Variants in SEMA5B observed in about 807,000 individuals in gnomAD.
SEMA5B encodes semaphorin-5B.
In SEMA5B, 66 loss-of-function variants were observed where a neutral mutation model predicts 135.0. The observed-to-expected ratio is 0.49, with a 90% CI of 0.40 to 0.60. The LOEUF is 0.60. SEMA5B is among the 20% of genes least tolerant of loss of function. The pLI is 0.00. For synonymous variants in SEMA5B, 690 were observed against 639.5 expected, an observed-to-expected ratio of 1.08 and a Z score of -1.19; for missense variants, 1,501 against 1,566.3, an observed-to-expected ratio of 0.96 and a Z score of 0.70.
At chr3:122,946,482 G>T (rs1274809081) in intron 3 of SEMA5B, among the ~76,000 whole-genome samples, 1 of 152,124 alleles carries the variant, frequency 6.6e-6, no homozygotes, top group Non-Finnish European at 1.5e-5. Context: ...GGAGGCTGGG[G>T]TTGGTGCTGT....
chr3:122,961,221 C>T lies in SEMA5B; in HGVS notation c.43G>A (p.Val15Ile), dbSNP rs555943228. The T allele has an allele frequency of 2.2e-5, 35 of 1,613,974 alleles. No individual in the cohort carries two copies. The highest frequency in any genetic ancestry group is 3.3e-4 in the Middle Eastern group (2 of 6,062). ...FSPSPVAHHL[V>I]PGPPDTPAQQ... ...GCTGGGGTATCAGGCGGCCCAGGGACGAGGTGGTGGGCAACAGGAGACGGA... is the reference window on the plus strand; with the variant it reads ...GCTGGGGTATCAGGCGGCCCAGGGATGAGGTGGTGGGCAACAGGAGACGGA... Residue 15 changes from valine (V) to isoleucine (I), a missense_variant, in exon 2 of 23, where the codon GTC (valine) becomes ATC (isoleucine). Val to Ile is a conservative substitution (Grantham distance 29). Transcript: ENST00000357599.
chr3:122,909,204 A>G lies in SEMA5B; in HGVS notation c.*939T>C, dbSNP rs187842485. On this transcript the variant is annotated 3_prime_UTR_variant, in exon 23 of 23. Transcript: ENST00000357599. ...GCACAGAGACATTTGGAGACTGGAT[A>G]TCATCTTTAATTAATAATGCCACAG... is the stretch of plus-strand genomic sequence containing the variant. The G allele has an allele frequency of 1.3e-5, 2 of 152,770 alleles. No individual in the cohort carries two copies. The highest frequency in any genetic ancestry group is 3.9e-4 in the East Asian group (2 of 5,180). The allele number at this position is 152,770 out of a possible 1,614,324, so 9.5% of individuals were successfully genotyped here.
chr3:122,937,627 C>T (rs750464016), intron 5 of SEMA5B, among the ~76,000 whole-genome samples: 28 of 152,074 alleles, frequency 1.8e-4, no homozygotes, highest in Non-Finnish European at 3.7e-4. Context: ...CAGGGAATGC[C>T]GTTGGAGCTG....
rs1375189417 is a variant in SEMA5B at position 122,913,372 on chromosome 3, G to C, written c.2333C>G (p.Pro778Arg). ...EGCPEVRRNTPWTPWLPVNVT... is the reference protein window; with the variant it reads ...EGCPEVRRNTRWTPWLPVNVT... ...GTTCACGGGCAGCCACGGCGTCCAG[G>C]GGGTGTTGCGCCGCACTTCGGGGCA... Residue 778 changes from proline to arginine, a missense_variant, in exon 17 of 23, where the codon CCC becomes CGC. Around this residue, in one of 2 missense-constraint regions of SEMA5B, gnomAD observed 927 missense variants for 881.6 expected, o/e 1.05. Transcript: ENST00000357599. 21 of 1,582,824 alleles carry C rather than the reference G, an allele frequency of 1.3e-5. No individual in the cohort carries two copies. Among genetic ancestry groups the C allele is most frequent in the Non-Finnish European group, 1.8e-5 (21 of 1,170,602 alleles).
In SEMA5B at chr3:122,951,037, G is replaced by A. The variant is rs146142311; in HGVS notation, c.125-2328C>T. Among the ~76,000 whole-genome samples, 572 of 152,248 alleles carry A rather than the reference G, an allele frequency of 3.8e-3. 4 individuals are homozygous for A. The highest frequency in any genetic ancestry group is 0.013 in the African/African-American group (523 of 41,532). On this transcript the variant is annotated intron_variant, in intron 2 of 22. Coordinates refer to ENST00000357599, the MANE Select transcript of SEMA5B (RefSeq NM_001031702.4). ...CAGTCTTGACCTCCTGGACTCAAGC[G>A]ATCCTTCCAGCTCAGCCTCTCTAGT...
At chr3:122,922,592 C>A (rs146896086) in intron 10 of SEMA5B, 145 bp from the exon 11 acceptor site, 46 of 711,614 alleles carry the variant, frequency 6.5e-5, no homozygotes, top group Non-Finnish European at 9.8e-5. Flanking sequence ...CCCTGCTGGG[C>A]GTCCTGCACC....
chr3:122,913,866 C>G lies in SEMA5B; in HGVS notation c.2124G>C (p.Arg708=). The change falls in exon 15 of 23, where the codon CGG becomes CGC. Residue 708 remains arginine, a synonymous_variant. Coordinates refer to ENST00000357599, the MANE Select transcript of SEMA5B (RefSeq NM_001031702.4). ...AGCCTGTTCTCCCTCACCGTTCCTC[C>G]CGGCTCTTGCCCACGCAGATGCGGC... ...HGGRICVGKS[R]EERFCNENTP... The G allele has an allele frequency of 6.2e-7, 1 of 1,606,252 alleles. No homozygotes were observed. The highest frequency in any genetic ancestry group is 8.5e-7 in the Non-Finnish European group (1 of 1,176,056).
intron 4 of SEMA5B, among the ~76,000 whole-genome samples, chr3:122,940,731 T>C (rs746515024): frequency 3.3e-5 from 5 of 152,184 alleles, no homozygotes; most frequent in Non-Finnish European, 4.4e-5. Context: ...CCCACTCATC[T>C]TCTTTGCTGT....
intron 4 of SEMA5B, 90 bp from the exon 5 acceptor site, chr3:122,939,560 C>T (rs1430458083): frequency 3.1e-6 from 3 of 978,606 alleles, no homozygotes; most frequent in Non-Finnish European, 5.0e-6. Flanking sequence ...TCCTGGGACG[C>T]CAGGACTGGG....
chr3:123,007,431 C>T (rs569775992), intron 1 of SEMA5B, among the ~76,000 whole-genome samples: 6 of 152,166 alleles, frequency 3.9e-5, no homozygotes, highest in Non-Finnish European at 7.3e-5. Context: ...TTGATTCTTC[C>T]CCTTATCCAT....
intron 17 of SEMA5B, 31 bp downstream of exon 17, chr3:122,913,168 G>C: frequency 6.6e-7 from 1 of 1,518,924 alleles, no homozygotes. Context: ...GGCTGGGAGA[G>C]AGGAAGGAGG....
In SEMA5B at chr3:122,929,015, T is replaced by G; in HGVS notation, c.518A>C (p.Gln173Pro). The G allele has an allele frequency of 6.2e-7, 1 of 1,612,460 alleles. No individual in the cohort carries two copies. The highest frequency in any genetic ancestry group is 8.5e-7 in the Non-Finnish European group (1 of 1,179,996). ...ASSEDTRRSC[Q>P]SKGKTEEECQ... ...ACGTACCTCAGTCTTCCCTTTGCTT[T>G]GGCAGGAGCGGCGCGTGTCCTCACT... The change falls in exon 6 of 23, where the codon CAA (glutamine) becomes CCA (proline). Residue 173 changes from glutamine to proline, a missense_variant. This residue lies in a region of SEMA5B where 574 missense variants were observed against 684.7 expected (regional missense o/e 0.84). Transcript: ENST00000357599.
Position 122,923,602 on chromosome 3 carries a change from G to T in SEMA5B, c.1272+15C>A. ...GCAGTGTGTGAAGACAGGGAAAGAG[G>T]AGGAGATTCTGTACCTGGAAATTGG... On this transcript the variant is annotated intron_variant, in intron 10 of 22. Transcript: ENST00000357599. 1 of 1,613,894 alleles carries T rather than the reference G, an allele frequency of 6.2e-7. No individual in the cohort carries two copies. Among genetic ancestry groups the T allele is most frequent in the Non-Finnish European group, 8.5e-7 (1 of 1,179,900 alleles).
chr3:122,977,722 A>G (rs2107668981), intron 1 of SEMA5B, among the ~76,000 whole-genome samples: 1 of 152,246 alleles, frequency 6.6e-6, no homozygotes, highest in East Asian at 1.9e-4. Flanking sequence ...ACAGTCAGCA[A>G]GTCTCAAACA....
At chr3:122,994,334 C>A (rs759670101) in intron 1 of SEMA5B, among the ~76,000 whole-genome samples, 1 of 152,206 alleles carries the variant, frequency 6.6e-6, no homozygotes, top group Non-Finnish European at 1.5e-5. Flanking sequence ...TGTTTCATAT[C>A]TTGGCTACCA....
chr3:122,927,877 A>T lies in SEMA5B; in HGVS notation c.763T>A (p.Phe255Ile). 6.3e-7 allele frequency: 1 copy of T among 1,595,326 alleles called. No individual in the cohort carries two copies. Among genetic ancestry groups the T allele is most frequent in the Non-Finnish European group, 8.5e-7 (1 of 1,170,216 alleles). Residue 255 changes from phenylalanine to isoleucine, a missense_variant, in exon 8 of 23, where the codon TTC becomes ATC. Transcript: ENST00000357599. ...GELYAATVID[F>I]SGRDPAIYRS... ...TAGATGGCAGGGTCCCGACCTGAGA[A>T]GTCGATGACCGTGGCTGCATAGAGC...
intron 1 of SEMA5B, among the ~76,000 whole-genome samples, chr3:122,978,808 G>C (rs1444748925): frequency 6.6e-6 from 1 of 152,094 alleles, no homozygotes; most frequent in Non-Finnish European, 1.5e-5. Context: ...CTGAGCAAAG[G>C]GTAAAACAAG....
intron 1 of SEMA5B, chr3:122,976,135 A>G (rs1258070907): frequency 7.2e-6 from 11 of 1,534,640 alleles, no homozygotes; most frequent in Non-Finnish European, 9.6e-6. Flanking sequence ...TGGTTTATAC[A>G]CTCTCATCAC....
chr3:122,918,363 C>T (rs761193652), intron 12 of SEMA5B, among the ~76,000 whole-genome samples: 4 of 152,152 alleles, frequency 2.6e-5, no homozygotes, highest in Admixed American at 1.3e-4. Flanking sequence ...CTTTAAAAAG[C>T]GTAAGCAAAC....
Sources: allele counts gnomAD v4.1 joint callset (sites outside exome capture counted in the v4.1 genomes callset), GRCh38; gene constraint gnomAD v4.1.1; regional missense constraint gnomAD v4.1.1; transcripts MANE v1.5; gene names NCBI Gene and HGNC (gene_info 2026-07-23, HGNC 2026-07-21).